Variants in RGS20 observed in about 807,000 individuals in gnomAD.
RGS20 encodes regulator of G protein signaling 20, also known as gz-selective GTPase-activating protein.
Under a neutral mutation model 33.6 loss-of-function variants are expected in RGS20, and 30 were observed. The observed-to-expected ratio is 0.89, with a 90% CI of 0.67 to 1.21. RGS20 has a LOEUF of 1.21. RGS20 is among the 50% of genes most tolerant of loss of function. RGS20 has a pLI of 0.00. For synonymous variants in RGS20, 208 were observed against 197.9 expected, an observed-to-expected ratio of 1.05 and a Z score of -0.43; for missense variants, 472 against 502.4, an observed-to-expected ratio of 0.94 and a Z score of 0.58.
intron 1 of RGS20, among the ~76,000 whole-genome samples, chr8:53,871,721 A>AAC (rs1164215148): frequency 6.6e-6 from 1 of 152,164 alleles, no homozygotes; most frequent in Non-Finnish European, 1.5e-5. Context: ...ATCTTTCAAA[A>AAC]ACACACACAT....
At position 53,954,302 on chromosome 8, in the gene RGS20, C is replaced by A; in HGVS notation, c.970C>A (p.Pro324Thr). The change falls in exon 5 of 6, where the codon CCT becomes ACT. Residue 324 changes from proline to threonine, a missense_variant. Pro to Thr is a conservative substitution (Grantham distance 38, BLOSUM62 -1). This residue lies in a region of RGS20 where 125 missense variants were observed against 169.5 expected (regional missense o/e 0.74). Transcript: ENST00000297313. Reference sequence around the variant, plus strand: ...TGAAGACTACATTTCTATACTTTCTCCTAAGGAGGTATGTGACCACGAGAT... The same window carrying A: ...TGAAGACTACATTTCTATACTTTCTACTAAGGAGGTATGTGACCACGAGAT... 6.3e-7 allele frequency: 1 copy of A among 1,599,284 alleles called. No individual in the cohort carries two copies. The highest frequency in any genetic ancestry group is 1.1e-5 in the South Asian group (1 of 90,512).
intron 5 of RGS20, among the ~76,000 whole-genome samples, chr8:53,956,068 G>A (rs1357436049): frequency 6.6e-6 from 1 of 152,104 alleles, no homozygotes; most frequent in Admixed American, 6.5e-5. Flanking sequence ...CATCCACAAA[G>A]GGGTGGGCGA....
intron 2 of RGS20, among the ~76,000 whole-genome samples, chr8:53,924,824 A>G (rs960973594): frequency 6.6e-5 from 10 of 152,350 alleles, no homozygotes; most frequent in Middle Eastern, 3.4e-3. Context: ...AGATTTCAGA[A>G]CCAGCAGTTC....
intron 2 of RGS20, among the ~76,000 whole-genome samples, chr8:53,935,103 C>A (rs1483910857): frequency 6.6e-6 from 1 of 152,076 alleles, no homozygotes; most frequent in African/African-American, 2.4e-5. Context: ...TGGGACACAG[C>A]TAAAGCAGCG....
chr8:53,948,658 C>T (rs62651854), intron 4 of RGS20, among the ~76,000 whole-genome samples: 38 of 92,362 alleles, frequency 4.1e-4, no homozygotes, highest in South Asian at 7.3e-4. Context: ...AGATACAGTA[C>T]ATATTTACAT....
intron 2 of RGS20, among the ~76,000 whole-genome samples, chr8:53,881,975 G>A (rs1244832142): frequency 6.6e-6 from 1 of 152,020 alleles, no homozygotes; most frequent in African/African-American, 2.4e-5. Flanking sequence ...TTGGAGGGGA[G>A]GGTCTGTGTG....
intron 2 of RGS20, among the ~76,000 whole-genome samples, chr8:53,888,897 T>G (rs1369228423): frequency 6.6e-6 from 1 of 152,258 alleles, no homozygotes; most frequent in Non-Finnish European, 1.5e-5. Flanking sequence ...GTGTTGTTAT[T>G]TTTTAATGCT....
At chr8:53,871,683 C>T (rs1311670330) in intron 1 of RGS20, among the ~76,000 whole-genome samples, 1 of 152,076 alleles carries the variant, frequency 6.6e-6, no homozygotes, top group Non-Finnish European at 1.5e-5. Context: ...GTGATGCCTG[C>T]TTCTAAATAA....
chr8:53,878,329 G>A (rs1269296780), intron 1 of RGS20, among the ~76,000 whole-genome samples: 1 of 151,984 alleles, frequency 6.6e-6, no homozygotes, highest in African/African-American at 2.4e-5. Flanking sequence ...CTTTATAAAT[G>A]AACTCAAAAA....
At chr8:53,923,133 T>C (rs1032455301) in intron 2 of RGS20, among the ~76,000 whole-genome samples, 1 of 152,206 alleles carries the variant, frequency 6.6e-6, no homozygotes, top group African/African-American at 2.4e-5. Context: ...TATTAAGGTG[T>C]ATATGTATTA....
At chr8:53,892,397 A>T (rs368909461) in intron 2 of RGS20, among the ~76,000 whole-genome samples, 2 of 152,218 alleles carry the variant, frequency 1.3e-5, no homozygotes, top group East Asian at 3.8e-4. Flanking sequence ...TGTTGGTGGG[A>T]CTGTAAACTA....
rs200939551 is a variant in RGS20 at position 53,854,018 on chromosome 8, T to TC, written c.165+1955dup. On this transcript the variant is annotated intron_variant, in intron 1 of 5. Transcript: ENST00000297313. ...TAAAATGTATCTAGACGTCAAGGGG[T>TC]CAGTCAGAAATTCTCCAAAAATCCT... Among the ~76,000 whole-genome samples the TC allele has an allele frequency of 5.3e-3, 806 of 151,600 alleles. 23 individuals are homozygous for TC. The highest frequency in any genetic ancestry group is 0.046 in the Admixed American group (697 of 15,224).
At chr8:53,888,659 T>C (rs1812615393) in intron 2 of RGS20, among the ~76,000 whole-genome samples, 1 of 152,096 alleles carries the variant, frequency 6.6e-6, no homozygotes, top group Admixed American at 6.5e-5. Flanking sequence ...TCACCACGGC[T>C]CTAGATGAAG....
intron 2 of RGS20, chr8:53,914,057 G>T (rs1318085815): frequency 1.5e-5 from 1 of 68,342 alleles, no homozygotes; most frequent in African/African-American, 1.1e-4. Flanking sequence ...TTGAAACAGG[G>T]TCCCGCTCTG....
At chr8:53,893,138 A>G (rs1371557790) in intron 2 of RGS20, among the ~76,000 whole-genome samples, 1 of 152,234 alleles carries the variant, frequency 6.6e-6, no homozygotes, top group African/African-American at 2.4e-5. Flanking sequence ...AAAAAATATT[A>G]AGAAAAGGCT....
intron 2 of RGS20, among the ~76,000 whole-genome samples, chr8:53,919,630 C>G (rs989738485): frequency 2.0e-5 from 3 of 150,682 alleles, no homozygotes; most frequent in African/African-American, 7.3e-5. Flanking sequence ...GCCCTGTTGC[C>G]CAGGCTGGAA....
chr8:53,887,167 T>C (rs1812573404), intron 2 of RGS20: 1 of 160,420 alleles, frequency 6.2e-6, no homozygotes, highest in Non-Finnish European at 1.4e-5. Context: ...CCTTATAGTA[T>C]TTCAGGACAC....
intron 2 of RGS20, among the ~76,000 whole-genome samples, chr8:53,918,727 A>G (rs1359181468): frequency 6.6e-6 from 1 of 152,202 alleles, no homozygotes; most frequent in Non-Finnish European, 1.5e-5. Flanking sequence ...ATGTTGTAGC[A>G]GGATCCAGTA....
In RGS20 at chr8:53,958,428, G is replaced by T. The variant is rs1357085060; in HGVS notation, c.1137G>T (p.Gln379His). ...CTGCTGTCTATAAGGACTTGCTTCA[G>T]TCCTTATCGGAGAAATCTATTGAAG... is the stretch of plus-strand genomic sequence containing the variant. Residue 379 changes from glutamine (Q) to histidine (H), a missense_variant, in exon 6 of 6, where the codon CAG becomes CAT. Gln to His is a conservative substitution (Grantham distance 24). Coordinates refer to ENST00000297313, the MANE Select transcript of RGS20 (RefSeq NM_170587.4). 1.3e-6 allele frequency: 2 copies of T among 1,552,532 alleles called. No homozygotes were observed. The highest frequency in any genetic ancestry group is 1.7e-6 in the Non-Finnish European group (2 of 1,149,090).
Sources: allele counts gnomAD v4.1 joint callset (sites outside exome capture counted in the v4.1 genomes callset), GRCh38; gene constraint gnomAD v4.1.1; regional missense constraint gnomAD v4.1.1; transcripts MANE v1.5; gene names NCBI Gene and HGNC (gene_info 2026-07-23, HGNC 2026-07-21).